Variants in CALN1 observed in about 807,000 individuals in gnomAD.
CALN1 encodes the protein calcium-binding protein 8.
Under a neutral mutation model 30.6 loss-of-function variants are expected in CALN1, and 17 were observed. The ratio of observed to expected loss-of-function variants is 0.56; its 90% CI spans 0.38 to 0.83. The LOEUF is 0.83. CALN1 is among the 40% of genes least tolerant of loss of function. CALN1 has a pLI of 0.00. For synonymous variants in CALN1, 156 were observed against 131.4 expected (o/e 1.19, Z -1.28); for missense variants, 291 against 354.9 (o/e 0.82, Z 1.45).
intron 5 of CALN1, among the ~76,000 whole-genome samples, chr7:71,917,093 G>A (rs1234542746): frequency 6.6e-6 from 1 of 152,174 alleles, no homozygotes; most frequent in East Asian, 1.9e-4. Flanking sequence ...AGTTGAGAAG[G>A]TGCTTTTCTG....
At chr7:72,103,550 A>G (rs1806851707) in intron 4 of CALN1, among the ~76,000 whole-genome samples, 1 of 152,194 alleles carries the variant, frequency 6.6e-6, no homozygotes, top group South Asian at 2.1e-4. Context: ...TTCAGTAGCT[A>G]CTTGGAGATG....
At chr7:72,273,471 G>A (rs1797132766) in intron 3 of CALN1, among the ~76,000 whole-genome samples, 1 of 147,476 alleles carries the variant, frequency 6.8e-6, no homozygotes, top group Admixed American at 6.8e-5. Context: ...TATTATCTCA[G>A]GTTTGGGATA....
chr7:71,968,006 CA>C (rs1341558534), intron 5 of CALN1, among the ~76,000 whole-genome samples: 1 of 152,146 alleles, frequency 6.6e-6, no homozygotes, highest in East Asian at 1.9e-4. Flanking sequence ...ATACATTTCT[CA>C]TTTTATTCAG....
intron 5 of CALN1, among the ~76,000 whole-genome samples, chr7:72,002,348 C>A (rs975585469): frequency 6.6e-6 from 1 of 152,106 alleles, no homozygotes; most frequent in African/African-American, 2.4e-5. Flanking sequence ...TCACCTAACA[C>A]AAAGCCTATT....
chr7:71,920,059 A>C (rs1794861361), intron 5 of CALN1, among the ~76,000 whole-genome samples: 1 of 152,190 alleles, frequency 6.6e-6, no homozygotes, highest in Admixed American at 6.5e-5. Context: ...AAGCATATGA[A>C]AGCTTCTGCT....
At chr7:72,483,507 A>G in the CALN1 span, among the ~76,000 whole-genome samples, 1 of 151,052 alleles carries the variant, frequency 6.6e-6, no homozygotes, top group South Asian at 2.1e-4. Context: ...CTGGTCTTGA[A>G]TTCCTGACCT....
chr7:71,978,516 C>T (rs1337831951), intron 5 of CALN1, among the ~76,000 whole-genome samples: 8 of 151,944 alleles, frequency 5.3e-5, no homozygotes, highest in Non-Finnish European at 4.4e-5. Context: ...CCTCGTGATC[C>T]GCCCACCTCA....
At chr7:72,204,092 C>T (rs999800377) in intron 3 of CALN1, among the ~76,000 whole-genome samples, 25 of 147,284 alleles carry the variant, frequency 1.7e-4, no homozygotes, top group Middle Eastern at 3.6e-3. Flanking sequence ...CCCGGGTCTA[C>T]GCCGTTCTGC....
intron 3 of CALN1, among the ~76,000 whole-genome samples, chr7:72,270,680 C>T (rs1343652935): frequency 6.6e-6 from 1 of 152,170 alleles, no homozygotes; most frequent in Non-Finnish European, 1.5e-5. Flanking sequence ...GAGGCTGAGG[C>T]AGGAGCATCG....
rs560158755 is a variant in CALN1 at position 72,048,429 on chromosome 7, A to G, written c.389-24660T>C. ...GTGAGTAGAGCAGCACCTGCATGTG[A>G]CATGATAAAGAAATAACAGGGAAGG... On this transcript the variant is annotated intron_variant, in intron 4 of 6. Transcript: ENST00000395275. Among the ~76,000 whole-genome samples, 21 of 152,286 alleles carry G rather than the reference A, an allele frequency of 1.4e-4. 1 individual carries two copies. The South Asian group carries it at 2.5e-3, about 18-fold the overall frequency.
intron 3 of CALN1, among the ~76,000 whole-genome samples, chr7:72,121,346 T>C (rs1808376582): frequency 6.9e-6 from 1 of 144,470 alleles, no homozygotes; most frequent in Non-Finnish European, 1.5e-5. Flanking sequence ...TAAATTATAT[T>C]ATATAATTAT....
chr7:72,298,333 A>AT (rs1799010820), intron 2 of CALN1, among the ~76,000 whole-genome samples: 1 of 152,238 alleles, frequency 6.6e-6, no homozygotes, highest in South Asian at 2.1e-4. Flanking sequence ...GCCATCTTCC[A>AT]TCTCATCTCA....
chr7:72,279,457 A>G (rs1329192819), intron 2 of CALN1, among the ~76,000 whole-genome samples: 1 of 152,188 alleles, frequency 6.6e-6, no homozygotes, highest in African/African-American at 2.4e-5. Flanking sequence ...GCCCTGCTGG[A>G]AACAGGAGTG....
intron 4 of CALN1, among the ~76,000 whole-genome samples, chr7:72,024,585 G>T (rs1800929759): frequency 6.6e-6 from 1 of 152,024 alleles, no homozygotes; most frequent in South Asian, 2.1e-4. Context: ...TTTTAGTAGA[G>T]ACAGGGTTTC....
chr7:72,379,406 T>C (rs1878490), intron 2 of CALN1, among the ~76,000 whole-genome samples: 49,570 of 152,208 alleles, frequency 0.33, 9,817 homozygotes, highest in Middle Eastern at 0.5. Context: ...CTAACAGTTA[T>C]AGGGTGCATA....
rs116487347 is a variant in CALN1 at position 71,882,482 on chromosome 7, C to T, written c.502-71990G>A. ...CTTGGAAGGGCCATGATTCAGCCCACCACACCTGCTTAAATTAGCTCTAAC... is the reference window on the plus strand; with the variant it reads ...CTTGGAAGGGCCATGATTCAGCCCATCACACCTGCTTAAATTAGCTCTAAC... On this transcript the variant is annotated intron_variant, in intron 5 of 6. Transcript: ENST00000395275. Among the ~76,000 whole-genome samples, 1,192 of 152,286 alleles carry T rather than the reference C, an allele frequency of 7.8e-3. 14 individuals carry two copies. Among genetic ancestry groups the T allele is most frequent in the African/African-American group, 0.027 (1,112 of 41,556 alleles).
At chr7:71,830,926 T>C (rs915848850) in intron 5 of CALN1, among the ~76,000 whole-genome samples, 4 of 152,270 alleles carry the variant, frequency 2.6e-5, no homozygotes, top group Admixed American at 2.6e-4. Flanking sequence ...ATCGCAGAGG[T>C]AAGAACTCAT....
intron 5 of CALN1, among the ~76,000 whole-genome samples, chr7:71,936,660 C>T (rs2129521477): frequency 6.6e-6 from 1 of 152,248 alleles, no homozygotes; most frequent in South Asian, 2.1e-4. Flanking sequence ...TCTTCCCCAA[C>T]CCCTGTTATC....
intron 3 of CALN1, among the ~76,000 whole-genome samples, chr7:72,211,649 T>C (rs1157342068): frequency 6.6e-6 from 1 of 152,210 alleles, no homozygotes; most frequent in South Asian, 2.1e-4. Context: ...GTTCTATGAA[T>C]GTTAGCTATC....
Sources: gnomAD v4.1 joint callset for allele counts (sites outside exome capture counted in the v4.1 genomes callset) on GRCh38, gnomAD v4.1.1 for gene constraint, MANE v1.5 for transcripts, NCBI Gene and HGNC (gene_info 2026-07-23, HGNC 2026-07-21) for gene names.